KATNIP: variants seen among roughly 807,000 people sequenced by gnomAD.
KATNIP encodes the protein katanin interacting protein.
KATNIP carries 126 observed loss-of-function variants against 174.0 expected under a neutral mutation model. The ratio of observed to expected loss-of-function variants is 0.72; its 90% CI spans 0.63 to 0.84. The LOEUF (loss-of-function observed/expected upper bound fraction) is 0.84. Ranked by LOEUF, KATNIP falls within the 40% of genes least tolerant of loss-of-function variation. The pLI, the probability that KATNIP is intolerant of heterozygous loss-of-function variation, is 0.00. For synonymous variants in KATNIP, 810 were observed against 835.7 expected (o/e 0.97, Z 0.53); for missense variants, 1,958 against 2,109.7 (o/e 0.93, Z 1.41).
rs183042409 is a variant in KATNIP at position 27,705,298 on chromosome 16, A to C, written c.1389+1300A>C. On this transcript the variant is annotated intron_variant, in intron 12 of 27. Coordinates refer to ENST00000261588, the MANE Select transcript of KATNIP (RefSeq NM_015202.5). ...CAAGCCATTCTTAGTATTATTTGGT[A>C]TGGTGGTCACCAATCTTACTACTGG... is the stretch of plus-strand genomic sequence containing the variant. Among the ~76,000 whole-genome samples, 165 of 152,292 alleles carry C rather than the reference A, an allele frequency of 1.1e-3. 2 individuals carry two copies. The highest frequency in any genetic ancestry group is 3.6e-3 in the African/African-American group (151 of 41,570).
At chr16:27,685,500 T>C (rs1326395905) in intron 8 of KATNIP, 1 of 152,202 alleles carries the variant, frequency 6.6e-6, no homozygotes, top group Admixed American at 6.5e-5. Flanking sequence ...TAGTCACAGC[T>C]GTAACACTGA....
At position 27,550,277 on chromosome 16, in the gene KATNIP, C is replaced by T. The variant is rs1367162813; in HGVS notation, c.7+100C>T. 9 of 1,359,292 alleles carry T rather than the reference C, an allele frequency of 6.6e-6. No homozygotes were observed. In the Admixed American group the frequency reaches 2.0e-4, roughly 30 times the overall value. 84.2% of individuals were successfully genotyped at this position (1,359,292 alleles called of 1,614,324 possible). A position where few individuals can be genotyped will look rare whatever the true frequency, so the allele number is the denominator to read the frequency against. On this transcript the variant is annotated intron_variant, in intron 1 of 27. Coordinates refer to ENST00000261588, the MANE Select transcript of KATNIP (RefSeq NM_015202.5). ...TCCTAGGCCATGAACCCCTGGACCACCACTTCCTGACCCAAGGGGGTCTCC... is the reference window on the plus strand; with the variant it reads ...TCCTAGGCCATGAACCCCTGGACCATCACTTCCTGACCCAAGGGGGTCTCC...
Position 27,773,090 on chromosome 16 carries a change from G to C in KATNIP, c.4199-9G>C. 2 of 1,536,134 alleles carry C rather than the reference G, an allele frequency of 1.3e-6. No individual in the cohort carries two copies. The highest frequency in any genetic ancestry group is 1.8e-6 in the Non-Finnish European group (2 of 1,120,632). On this transcript the variant is annotated splice_polypyrimidine_tract_variant and intron_variant, in intron 22 of 27. Transcript: ENST00000261588. ...ATTAAGCCTTCTTTTCCTTAATAAA[G>C]TGTCCCAGTCATTTTCCAGTTTCAG...
chr16:27,766,166 C>T (rs2082115382), intron 19 of KATNIP, 143 bp from the exon 20 acceptor site: 1 of 723,180 alleles, frequency 1.4e-6, no homozygotes, highest in African/African-American at 1.8e-5. Context: ...TCAGCAGTCA[C>T]ACCTCCCCTT....
chr16:27,771,478 G>T, intron 21 of KATNIP, 110 bp from the exon 22 acceptor site: 1 of 988,528 alleles, frequency 1.0e-6, no homozygotes, highest in East Asian at 2.5e-5. Flanking sequence ...CTGCATCCTA[G>T]GGAACGCTAA....
chr16:27,571,101 C>T (rs1243782773), intron 1 of KATNIP, among the ~76,000 whole-genome samples: 2 of 152,144 alleles, frequency 1.3e-5, no homozygotes, highest in East Asian at 1.9e-4. Context: ...GGTGCGATCT[C>T]GGCTCACTGC....
Position 27,677,753 on chromosome 16 carries a change from A to G in KATNIP, c.565A>G (p.Ser189Gly). The change falls in exon 7 of 28, where the codon AGT (serine) becomes GGT (glycine). Residue 189 changes from serine to glycine, a missense_variant. Around this residue, in one of 3 missense-constraint regions of KATNIP, gnomAD observed 1,557 missense variants for 1,617.8 expected, o/e 0.96. Transcript: ENST00000261588. ...PQELRRSLEL[S>G]VNLQRKQKDC... ...GGAGCTGAGAAGAAGCCTGGAACTT[A>G]GTGTAAATCTACAAAGGAAACAAAA... The G allele has an allele frequency of 6.2e-7, 1 of 1,610,000 alleles. No homozygotes were observed. Among genetic ancestry groups the G allele is most frequent in the Non-Finnish European group, 8.5e-7 (1 of 1,176,388 alleles).
At chr16:27,690,356 AGATAGAT>A (rs761994127) in intron 8 of KATNIP, among the ~76,000 whole-genome samples, 3,100 of 111,568 alleles carry the variant, frequency 0.028, 41 homozygotes, top group Middle Eastern at 0.047. Flanking sequence ...ATAGATAGAT[AGATAGAT>A]GATAGATAGA....
intron 2 of KATNIP, among the ~76,000 whole-genome samples, chr16:27,591,532 A>G (rs1596829767): frequency 6.6e-6 from 1 of 152,052 alleles, no homozygotes; most frequent in East Asian, 1.9e-4. Flanking sequence ...TCTGCTCTCT[A>G]CTACCTTGGT....
intron 8 of KATNIP, among the ~76,000 whole-genome samples, chr16:27,694,215 G>T (rs1048096491): frequency 1.3e-5 from 2 of 152,142 alleles, no homozygotes; most frequent in Non-Finnish European, 2.9e-5. Flanking sequence ...TCTCCTGCCA[G>T]TGACATTCTT....
intron 2 of KATNIP, among the ~76,000 whole-genome samples, chr16:27,586,627 G>A (rs903872646): frequency 6.6e-6 from 1 of 151,802 alleles, no homozygotes; most frequent in Admixed American, 6.6e-5. Context: ...CCAGGAGTTC[G>A]AGACCAGCCT....
At chr16:27,765,824 C>T (rs1398198066) in intron 19 of KATNIP, among the ~76,000 whole-genome samples, 1 of 152,176 alleles carries the variant, frequency 6.6e-6, no homozygotes, top group East Asian at 1.9e-4. Context: ...ATGATGGCAC[C>T]TTAACCCCTG....
chr16:27,698,527 G>C (rs572573027), intron 9 of KATNIP, 27 bp downstream of exon 9: 8 of 1,584,116 alleles, frequency 5.1e-6, no homozygotes, highest in Admixed American at 1.7e-5. Flanking sequence ...GAGAGGAACC[G>C]GGGGATGCTC....
chr16:27,683,965 C>T (rs890377807), intron 8 of KATNIP, among the ~76,000 whole-genome samples: 7 of 152,190 alleles, frequency 4.6e-5, no homozygotes, highest in African/African-American at 1.7e-4. Context: ...CCCCTAGAGC[C>T]CCTAGTAGGG....
At chr16:27,730,780 G>C (rs770389346) in intron 14 of KATNIP, among the ~76,000 whole-genome samples, 2 of 152,174 alleles carry the variant, frequency 1.3e-5, no homozygotes, top group Non-Finnish European at 2.9e-5. Context: ...TTAGGGTTCT[G>C]AGCTTCTGAT....
chr16:27,757,501 C>T, intron 18 of KATNIP: 1 of 985,362 alleles, frequency 1.0e-6, no homozygotes, highest in African/African-American at 1.7e-5. Flanking sequence ...AAGATGCTGC[C>T]TGTAGATGTG....
In KATNIP at chr16:27,776,795, TC is replaced by T. The variant is rs1017365027; in HGVS notation, c.4450-131del. The T allele has an allele frequency of 1.5e-6, 1 of 669,488 alleles. No homozygotes were observed. Among genetic ancestry groups the T allele is most frequent in the African/African-American group, 1.8e-5 (1 of 55,310 alleles). 41.5% of individuals were successfully genotyped at this position (669,488 alleles called of 1,614,324 possible). A position where few individuals can be genotyped will look rare whatever the true frequency, so the allele number is the denominator to read the frequency against. On this transcript the variant is annotated intron_variant, in intron 24 of 27. Coordinates refer to ENST00000261588, the MANE Select transcript of KATNIP (RefSeq NM_015202.5). The surrounding 1 kb of genome is among the most constrained non-coding windows in gnomAD (Gnocchi z 4.7). ...TCGAGGAGATGAAAGGGGGCGGAAC[TC>T]CAGGCTGGCCCACGTGGCAGGCGCT...
rs116215459 is a variant in KATNIP at position 27,676,498 on chromosome 16, C to T, written c.541-1231C>T. Among the ~76,000 whole-genome samples the T allele has an allele frequency of 9.5e-3, 1,446 of 152,266 alleles. 23 individuals are homozygous for T. Among genetic ancestry groups the T allele is most frequent in the African/African-American group, 0.034 (1,395 of 41,542 alleles). ...GTTCTAGGGATTAGGATGTGGACAT[C>T]TTTGGGGAGCCCTTATTCAGCCTAC... is the stretch of plus-strand genomic sequence containing the variant. On this transcript the variant is annotated intron_variant, in intron 6 of 27. Coordinates refer to ENST00000261588, the MANE Select transcript of KATNIP (RefSeq NM_015202.5).
At chr16:27,589,841 G>A (rs1320478834) in intron 2 of KATNIP, among the ~76,000 whole-genome samples, 2 of 151,828 alleles carry the variant, frequency 1.3e-5, no homozygotes, top group Non-Finnish European at 2.9e-5. Flanking sequence ...GGCCCAGGCT[G>A]CAGTGTAGTG....
Sources: gnomAD v4.1 joint callset for allele counts (sites outside exome capture counted in the v4.1 genomes callset) on GRCh38, gnomAD v4.1.1 for gene constraint, gnomAD v4.1.1 regional missense constraint, Gnocchi (gnomAD v3.1) non-coding constraint, MANE v1.5 for transcripts, NCBI Gene and HGNC (gene_info 2026-07-23, HGNC 2026-07-21) for gene names.